IPCEF1: variants seen among roughly 807,000 people sequenced by gnomAD.
IPCEF1 encodes the protein interaction protein for cytohesin exchange factors 1.
Under a neutral mutation model 50.9 loss-of-function variants are expected in IPCEF1, and 31 were observed. The ratio of observed to expected loss-of-function variants is 0.61; its 90% CI spans 0.46 to 0.82. IPCEF1 has a LOEUF of 0.82. Among genes scored for constraint, IPCEF1 ranks in the 40% least tolerant of loss-of-function variants. IPCEF1 has a pLI of 0.00. For synonymous variants in IPCEF1, 181 were observed against 192.0 expected (o/e 0.94, Z 0.47); for missense variants, 458 against 514.0 (o/e 0.89, Z 1.05).
At chr6:154,293,684 G>A (rs1341668374) in intron 1 of IPCEF1, among the ~76,000 whole-genome samples, 1 of 152,144 alleles carries the variant, frequency 6.6e-6, no homozygotes, top group East Asian at 1.9e-4. Flanking sequence ...AGAGCTCTTC[G>A]AGCATTACAT....
chr6:154,170,485 A>G lies in IPCEF1; in HGVS notation c.911-2372T>C, dbSNP rs545755807. ...CTATCCATCCCAGAAAGTCACCAAT[A>G]CTCTTTCATAAAACAGAAAGCAAAG... On this transcript the variant is annotated intron_variant, in intron 10 of 11. Coordinates refer to ENST00000367220, the MANE Select transcript of IPCEF1 (RefSeq NM_001130700.2). Among the ~76,000 whole-genome samples the G allele has an allele frequency of 1.9e-4, 29 of 152,320 alleles. No homozygotes were observed. In the South Asian group the frequency reaches 5.8e-3, roughly 30 times the overall value.
At position 154,267,943 on chromosome 6, in the gene IPCEF1, G is replaced by A. The variant is rs571646353; in HGVS notation, c.-17-1979C>T. ...GGGGCTTTTATGGCCTCAGAGGTGA[G>A]GAAATGCACACAGATTGGTCCATGG... On this transcript the variant is annotated intron_variant, in intron 2 of 11. Transcript: ENST00000367220. Among the ~76,000 whole-genome samples, 4 of 152,336 alleles carry A rather than the reference G, an allele frequency of 2.6e-5. No homozygotes were observed. The South Asian group carries it at 8.3e-4, about 32-fold the overall frequency.
At chr6:154,325,654 T>C (rs1189619790) in intron 1 of IPCEF1, among the ~76,000 whole-genome samples, 1 of 152,232 alleles carries the variant, frequency 6.6e-6, no homozygotes, top group African/African-American at 2.4e-5. Context: ...CTCACAGCTC[T>C]AACATGCTCC....
chr6:154,180,772 T>C (rs1362721683), intron 10 of IPCEF1, among the ~76,000 whole-genome samples: 1 of 152,216 alleles, frequency 6.6e-6, no homozygotes, highest in Non-Finnish European at 1.5e-5. Context: ...GGAGGGGAAT[T>C]CATATGCCAT....
intron 5 of IPCEF1, among the ~76,000 whole-genome samples, chr6:154,245,704 T>A (rs1261985479): frequency 6.6e-6 from 1 of 152,230 alleles, no homozygotes; most frequent in East Asian, 1.9e-4. Context: ...CTAAAGGCCC[T>A]CCAGTGCTGA....
intron 2 of IPCEF1, among the ~76,000 whole-genome samples, chr6:154,267,954 C>T (rs1781800227): frequency 1.3e-5 from 2 of 152,212 alleles, no homozygotes; most frequent in African/African-American, 4.8e-5. Flanking sequence ...GAAATGCACA[C>T]AGATTGGTCC....
chr6:154,336,384 G>A (rs1267348572), intron 1 of IPCEF1, among the ~76,000 whole-genome samples: 2 of 152,150 alleles, frequency 1.3e-5, no homozygotes, highest in African/African-American at 4.8e-5. Flanking sequence ...GGATGGAACC[G>A]AAGGTAATTA....
At chr6:154,212,322 C>A (rs926943581) in intron 9 of IPCEF1, among the ~76,000 whole-genome samples, 3 of 152,184 alleles carry the variant, frequency 2.0e-5, no homozygotes, top group African/African-American at 7.2e-5. Flanking sequence ...AATGCACTAA[C>A]CCCACTCCTG....
At chr6:154,348,510 A>G (rs1346530780) in intron 1 of IPCEF1, among the ~76,000 whole-genome samples, 3 of 152,224 alleles carry the variant, frequency 2.0e-5, no homozygotes, top group Non-Finnish European at 2.9e-5. Context: ...TACCTGGCAC[A>G]TTACGTGGAA....
chr6:154,308,856 C>A (rs1457859497), intron 1 of IPCEF1, among the ~76,000 whole-genome samples: 2 of 152,164 alleles, frequency 1.3e-5, no homozygotes, highest in African/African-American at 4.8e-5. Context: ...GTCAATTTTA[C>A]AGGATAATAC....
chr6:154,286,214 G>A (rs895786478), intron 2 of IPCEF1, among the ~76,000 whole-genome samples: 1 of 152,132 alleles, frequency 6.6e-6, no homozygotes, highest in Non-Finnish European at 1.5e-5. Flanking sequence ...GGCAAGGGGA[G>A]GGAGAGCATT....
At chr6:154,223,715 C>T (rs1383075313) in intron 5 of IPCEF1, among the ~76,000 whole-genome samples, 1 of 152,190 alleles carries the variant, frequency 6.6e-6, no homozygotes, top group African/African-American at 2.4e-5. Flanking sequence ...CATGGATTGA[C>T]CACTTACTGG....
At chr6:154,328,302 C>G (rs773727217) in intron 1 of IPCEF1, among the ~76,000 whole-genome samples, 1 of 152,200 alleles carries the variant, frequency 6.6e-6, no homozygotes, top group Non-Finnish European at 1.5e-5. Flanking sequence ...CTGATGAACA[C>G]TAGGCTTGCC....
intron 1 of IPCEF1, among the ~76,000 whole-genome samples, chr6:154,354,996 TCACACACACACACACA>T (rs56281024): frequency 0.24 from 35,223 of 147,364 alleles, 4,822 homozygotes; most frequent in Middle Eastern, 0.32. Flanking sequence ...GGATTTTTCT[TCACACACACACACACA>T]CACACACACA....
At chr6:154,282,428 A>G (rs1008464257) in intron 2 of IPCEF1, among the ~76,000 whole-genome samples, 16 of 152,164 alleles carry the variant, frequency 1.1e-4, no homozygotes, top group Non-Finnish European at 2.1e-4. Flanking sequence ...CACGCCTGTA[A>G]TCCCAGCACT....
At chr6:154,192,919 G>T (rs897709259) in intron 10 of IPCEF1, among the ~76,000 whole-genome samples, 20 of 152,194 alleles carry the variant, frequency 1.3e-4, no homozygotes, top group African/African-American at 4.8e-4. Context: ...CTGCTGGTGG[G>T]AATGTAAACT....
chr6:154,158,046 C>A lies in IPCEF1; in HGVS notation c.*1782G>T, dbSNP rs1181966776. 1.3e-5 allele frequency: 2 copies of A among 152,218 alleles called. No homozygotes were observed. The highest frequency in any genetic ancestry group is 4.8e-5 in the African/African-American group (2 of 41,430). The allele number at this position is 152,218 out of a possible 1,614,324, so 9.4% of individuals were successfully genotyped here. A position where few individuals can be genotyped will look rare whatever the true frequency, so the allele number is the denominator to read the frequency against. On this transcript the variant is annotated 3_prime_UTR_variant, in exon 12 of 12. Coordinates refer to ENST00000367220, the MANE Select transcript of IPCEF1 (RefSeq NM_001130700.2). ...GAGAAGTTTCTAGCAGTACAACTTG[C>A]TTCTTGTTTTTTGTTTTTATTTCTT...
intron 1 of IPCEF1, among the ~76,000 whole-genome samples, chr6:154,315,967 C>T (rs185458994): frequency 1.3e-5 from 2 of 152,116 alleles, no homozygotes; most frequent in East Asian, 3.9e-4. Flanking sequence ...TCAAGTTATT[C>T]TTGTGCCTCA....
At chr6:154,324,074 A>G (rs898366454) in intron 1 of IPCEF1, among the ~76,000 whole-genome samples, 2 of 152,232 alleles carry the variant, frequency 1.3e-5, no homozygotes, top group African/African-American at 4.8e-5. Context: ...TACTTTGATA[A>G]GTTTGAAATT....
Sources: allele counts gnomAD v4.1 joint callset (sites outside exome capture counted in the v4.1 genomes callset), GRCh38; gene constraint gnomAD v4.1.1; transcripts MANE v1.5; gene names NCBI Gene and HGNC (gene_info 2026-07-23, HGNC 2026-07-21).